The following PCDHGB1 variants were observed in gnomAD, a reference collection of about 807,000 sequenced individuals.
PCDHGB1 encodes the protein protocadherin gamma subfamily B, 1.
In PCDHGB1, 34 loss-of-function variants were observed where a neutral mutation model predicts 56.6. The observed-to-expected ratio is 0.60, with a 90% confidence interval of 0.46 to 0.80. The LOEUF is 0.80. Among genes scored for constraint, PCDHGB1 ranks in the 30% least tolerant of loss-of-function variants. The pLI is 0.00. For missense variants in PCDHGB1, 1,278 were observed against 1,204.6 expected, an observed-to-expected ratio of 1.06 and a Z score of -0.90; for synonymous variants, 561 against 505.9, an observed-to-expected ratio of 1.11 and a Z score of -1.46.
intron 1 of PCDHGB1, chr5:141,413,089 C>T: frequency 7.1e-7 from 1 of 1,401,124 alleles, no homozygotes; most frequent in Non-Finnish European, 9.7e-7. Context: ...TACAGAGACA[C>T]CCTGAAGCCA....
intron 1 of PCDHGB1, among the ~76,000 whole-genome samples, chr5:141,474,417 C>CCATT (rs1206525105): frequency 6.6e-6 from 1 of 152,222 alleles, no homozygotes; most frequent in East Asian, 1.9e-4. Context: ...GATGCCTAGA[C>CCATT]CATTGGTCCT....
At chr5:141,498,352 C>T (rs1439698389) in intron 2 of PCDHGB1, among the ~76,000 whole-genome samples, 1 of 151,772 alleles carries the variant, frequency 6.6e-6, no homozygotes, top group Non-Finnish European at 1.5e-5. Flanking sequence ...AAAGCCTATG[C>T]AAAAGCCTTG....
chr5:141,421,118 T>C (rs572827470), intron 1 of PCDHGB1: 2 of 771,948 alleles, frequency 2.6e-6, no homozygotes, highest in Non-Finnish European at 2.0e-6. Context: ...GTATTTTCCT[T>C]CGCTTTCTGA....
chr5:141,476,205 C>G lies in PCDHGB1; in HGVS notation c.2410-18602C>G. ...CTGCTTGGTGCCTTGAACAAGGCTT[C>G]CACGGTCATTCACTATGAGATCCCG... On this transcript the variant is annotated intron_variant, in intron 1 of 3. Transcript: ENST00000523390. The surrounding 1 kb of genome is among the most constrained non-coding windows in gnomAD (Gnocchi z 7.6). 1 of 1,613,892 alleles carries G rather than the reference C, an allele frequency of 6.2e-7. No homozygotes were observed. Among genetic ancestry groups the G allele is most frequent in the Non-Finnish European group, 8.5e-7 (1 of 1,180,012 alleles).
intron 1 of PCDHGB1, chr5:141,376,920 C>T (rs527270477): frequency 5.8e-6 from 1 of 173,470 alleles, no homozygotes; most frequent in Admixed American, 5.6e-5. Flanking sequence ...ATCTCCTGAC[C>T]TCATGATCCA....
chr5:141,428,114 C>T (rs2097111703), intron 1 of PCDHGB1: 1 of 1,607,084 alleles, frequency 6.2e-7, no homozygotes, highest in Admixed American at 1.7e-5. Context: ...TGCAGGCCAT[C>T]GAGCCCGGGC....
rs777856819 is a variant in PCDHGB1, at chr5:141,487,572, T to A, written c.2410-7235T>A. On this transcript the variant is annotated intron_variant, in intron 1 of 3. Coordinates refer to ENST00000523390, the MANE Select transcript of PCDHGB1 (RefSeq NM_018922.3). The surrounding 1 kb of genome is among the most constrained non-coding windows in gnomAD (Gnocchi z 5.0). ...AGTGCACCTATGGCAGGGGAGCCTG[T>A]TCGCCCAAGCTGCCCACCCTCTGAT... 1 of 1,614,168 alleles carries A rather than the reference T, an allele frequency of 6.2e-7. No individual in the cohort carries two copies. Among genetic ancestry groups the A allele is most frequent in the Non-Finnish European group, 8.5e-7 (1 of 1,180,034 alleles).
At chr5:141,425,448 C>G (rs897473729) in intron 1 of PCDHGB1, among the ~76,000 whole-genome samples, 1 of 152,164 alleles carries the variant, frequency 6.6e-6, no homozygotes, top group African/African-American at 2.4e-5. Flanking sequence ...AAATAAAACA[C>G]CATCACATTT....
intron 1 of PCDHGB1, chr5:141,408,465 A>C: frequency 6.2e-7 from 1 of 1,613,960 alleles, no homozygotes. Context: ...CTTGTGAAGA[A>C]CCGAATAGAC....
intron 1 of PCDHGB1, among the ~76,000 whole-genome samples, chr5:141,472,718 G>A (rs980710833): frequency 1.3e-5 from 2 of 152,002 alleles, no homozygotes; most frequent in Non-Finnish European, 2.9e-5. Context: ...AGGCGCTGTG[G>A]CTCACACCTG....
Position 141,419,064 on chromosome 5 carries a change from A to G in PCDHGB1, c.2409+66395A>G, listed in dbSNP as rs149057484. ...ATTCATTCTTCTTCTAATAATTACT[A>G]CAAGCTAGTAACAGATGAGGCCCTG... On this transcript the variant is annotated intron_variant, in intron 1 of 3. Transcript: ENST00000523390. 51 of 1,613,962 alleles carry G rather than the reference A, an allele frequency of 3.2e-5. No homozygotes were observed. In the African/African-American group the frequency reaches 5.9e-4, roughly 19 times the overall value.
At chr5:141,460,817 A>G (rs527681610) in intron 1 of PCDHGB1, among the ~76,000 whole-genome samples, 3 of 152,126 alleles carry the variant, frequency 2.0e-5, no homozygotes, top group South Asian at 2.1e-4. Context: ...ATGTATACAT[A>G]TATACACACT....
chr5:141,372,572 C>A (rs1199574805), intron 1 of PCDHGB1: 2 of 1,613,940 alleles, frequency 1.2e-6, no homozygotes, highest in Admixed American at 1.7e-5. Context: ...CTGAGGGCTA[C>A]TTTCAGCCTG....
intron 1 of PCDHGB1, among the ~76,000 whole-genome samples, chr5:141,462,264 G>A (rs966953621): frequency 1.3e-5 from 2 of 152,174 alleles, no homozygotes; most frequent in African/African-American, 4.8e-5. Context: ...CCAGCCTAAA[G>A]TGTATTGTTT....
At chr5:141,385,465 G>T in intron 1 of PCDHGB1, 1 of 1,441,910 alleles carries the variant, frequency 6.9e-7, no homozygotes, top group Non-Finnish European at 9.1e-7. Flanking sequence ...TCCTTCAGTG[G>T]TGACACTTTA....
At chr5:141,383,748 A>T in intron 1 of PCDHGB1, 1 of 1,613,970 alleles carries the variant, frequency 6.2e-7, no homozygotes, top group Non-Finnish European at 8.5e-7. Context: ...CTTTTCGGAA[A>T]ATAACTCCTA....
At position 141,487,610 on chromosome 5, in the gene PCDHGB1, C is replaced by A; in HGVS notation, c.2410-7197C>A. On this transcript the variant is annotated intron_variant, in intron 1 of 3. Transcript: ENST00000523390. The surrounding 1 kb of genome is among the most constrained non-coding windows in gnomAD (Gnocchi z 5.0). ...CCCACCCTCTGATCTTCTCTATGGG[C>A]TAGAGGTGAGACCTTTGCAGGCTCA... The A allele has an allele frequency of 6.2e-7, 1 of 1,614,190 alleles. No homozygotes were observed. The highest frequency in any genetic ancestry group is 1.1e-5 in the South Asian group (1 of 91,078).
chr5:141,420,111 C>T (rs747723647), intron 1 of PCDHGB1: 1 of 1,613,966 alleles, frequency 6.2e-7, no homozygotes, highest in African/African-American at 1.3e-5. Flanking sequence ...TTGCCCTATG[C>T]CTATAATTTT....
chr5:141,383,911 T>C, intron 1 of PCDHGB1: 1 of 1,613,926 alleles, frequency 6.2e-7, no homozygotes, highest in Non-Finnish European at 8.5e-7. Context: ...GATCACAGTT[T>C]TAGATGTAAA....
Sources: gnomAD v4.1 joint callset for allele counts (sites outside exome capture counted in the v4.1 genomes callset) on GRCh38, gnomAD v4.1.1 for gene constraint, Gnocchi (gnomAD v3.1) non-coding constraint, MANE v1.5 for transcripts, NCBI Gene and HGNC (gene_info 2026-07-23, HGNC 2026-07-21) for gene names.